GAA: variants seen among roughly 807,000 people sequenced by gnomAD.
GAA encodes alpha glucosidase.
GAA carries 88 observed loss-of-function variants against 103.9 expected under a neutral mutation model. The ratio of observed to expected loss-of-function variants is 0.85; its 90% CI spans 0.71 to 1.01. The LOEUF (loss-of-function observed/expected upper bound fraction) is 1.01, where lower values mean the gene tolerates loss of function less well. Ranked by LOEUF, GAA falls within the 50% of genes least tolerant of loss-of-function variation. The pLI is 0.00. For missense variants in GAA, 1,350 were observed against 1,305.3 expected (o/e 1.03, Z -0.53); for synonymous variants, 572 against 563.1 (o/e 1.02, Z -0.22).
chr17:80,107,480 G>T (rs952374058), intron 3 of GAA, 77 bp from the exon 4 acceptor site: 3 of 1,585,436 alleles, frequency 1.9e-6, no homozygotes, highest in East Asian at 2.2e-5. Context: ...ACCAGGGCCC[G>T]GGGGTGCTCT....
Position 80,113,037 on chromosome 17 carries a change from G to A in GAA, c.2040+10G>A, listed in dbSNP as rs1480376155. 1.2e-6 allele frequency: 2 copies of A among 1,606,048 alleles called. No individual in the cohort carries two copies. The highest frequency in any genetic ancestry group is 1.7e-6 in the Non-Finnish European group (2 of 1,177,384). On this transcript the variant is annotated intron_variant, in intron 14 of 19. Coordinates refer to ENST00000302262, the MANE Select transcript of GAA (RefSeq NM_000152.5). ...CAGCCTGCTCAGTCTGGTAGGGTGGGGGTGGCGGCATGGCAGGTGGGCGAT... is the reference window on the plus strand; with the variant it reads ...CAGCCTGCTCAGTCTGGTAGGGTGGAGGTGGCGGCATGGCAGGTGGGCGAT...
intron 17 of GAA, 109 bp downstream of exon 17, chr17:80,117,858 G>GGCTCGGGGTTGAGAAGGGGTGAGGGGA (rs2143926974): frequency 3.5e-6 from 4 of 1,139,990 alleles, no homozygotes; most frequent in Non-Finnish European, 4.9e-6. Context: ...CTGAGGGGCC[G>GGCTCGGGGTTGAGAAGGGGTGAGGGGA]CCCCCCGCAG....
intron 18 of GAA, 54 bp from the exon 19 acceptor site, chr17:80,118,599 G>T: frequency 6.2e-7 from 1 of 1,603,018 alleles, no homozygotes. Context: ...TGCCCCAGCT[G>T]TCTGCTGACA....
intron 17 of GAA, 27 bp downstream of exon 17, chr17:80,117,776 G>T: frequency 6.3e-7 from 1 of 1,594,000 alleles, no homozygotes. Context: ...GCTATGGTGG[G>T]GGTGTGGACA....
intron 19 of GAA, among the ~76,000 whole-genome samples, 176 bp from the exon 20 acceptor site, chr17:80,119,096 C>T (rs564301145): frequency 6.6e-6 from 1 of 152,270 alleles, no homozygotes; most frequent in South Asian, 2.1e-4. Flanking sequence ...GGTCCCCCTG[C>T]GCCTGCCGGG....
chr17:80,107,460 C>T, intron 3 of GAA, 97 bp from the exon 4 acceptor site: 3 of 1,539,286 alleles, frequency 1.9e-6, no homozygotes, highest in Non-Finnish European at 2.7e-6. Flanking sequence ...CCACTCCGCC[C>T]TCCCAGGGCA....
At chr17:80,108,177 C>T (rs2039139176) in intron 5 of GAA, 113 bp from the exon 6 acceptor site, 10 of 1,572,112 alleles carry the variant, frequency 6.4e-6, no homozygotes, top group African/African-American at 1.3e-5. Flanking sequence ...CCACTCTGAG[C>T]TCCTCGTGGG....
chr17:80,118,058 C>G (rs530285269), intron 17 of GAA, 135 bp from the exon 18 acceptor site: 1 of 1,046,910 alleles, frequency 9.6e-7, no homozygotes, highest in African/African-American at 1.6e-5. Context: ...GTTCCAGCCC[C>G]TGCGGCCGCA....
In GAA at chr17:80,111,146, G is replaced by C. The variant is rs914850659; in HGVS notation, c.1636+121G>C. On this transcript the variant is annotated intron_variant, in intron 11 of 19. Coordinates refer to ENST00000302262, the MANE Select transcript of GAA (RefSeq NM_000152.5). ...ATGGGCCAGCGGGGAAAGGGGCGGG[G>C]GGGGGATCCCCAGGAGAAAGGCTCA... 2.0e-5 allele frequency: 19 copies of C among 941,484 alleles called. 1 individual carries two copies. The highest frequency in any genetic ancestry group is 7.2e-5 in the South Asian group (5 of 69,190). 58.3% of individuals were successfully genotyped at this position (941,484 alleles called of 1,614,324 possible).
chr17:80,106,003 T>A (rs2039078267), intron 3 of GAA, 109 bp downstream of exon 3: 8 of 1,423,304 alleles, frequency 5.6e-6, no homozygotes, highest in Non-Finnish European at 7.5e-6. Context: ...GGGCGACACA[T>A]GTTTGTTTCT....
chr17:80,119,389 C>A lies in GAA; in HGVS notation c.*58C>A. ...GGCTGGTTCCCCAGGGAAGCAGAGC[C>A]TGTGTGCGGGCAGCAGCTGTGTGCG... is the stretch of plus-strand genomic sequence containing the variant. On this transcript the variant is annotated 3_prime_UTR_variant, in exon 20 of 20. Coordinates refer to ENST00000302262, the MANE Select transcript of GAA (RefSeq NM_000152.5). 1 of 1,453,966 alleles carries A rather than the reference C, an allele frequency of 6.9e-7. No homozygotes were observed. The highest frequency in any genetic ancestry group is 9.7e-7 in the Non-Finnish European group (1 of 1,034,768). 90.1% of individuals were successfully genotyped at this position (1,453,966 alleles called of 1,614,324 possible).
chr17:80,109,766 G>C (rs2278620), intron 8 of GAA, among the ~76,000 whole-genome samples, 179 bp from the exon 9 acceptor site: 1 of 152,106 alleles, frequency 6.6e-6, no homozygotes, highest in African/African-American at 2.4e-5. Flanking sequence ...GTCCTGACTC[G>C]CCCGGCCCTG....
Position 80,112,032 on chromosome 17 carries a change from C to T in GAA, c.1686C>T (p.His562=), listed in dbSNP as rs1295865590. ...CGGCCACCATCTGTGCCTCCAGCCA[C>T]CAGTTTCTCTCCACACACTACAACC... is the stretch of plus-strand genomic sequence containing the variant. ...LQAATICASS[H]QFLSTHYNLH... The change falls in exon 12 of 20, where the codon CAC becomes CAT. Residue 562 remains histidine (H), a synonymous_variant. Coordinates refer to ENST00000302262, the MANE Select transcript of GAA (RefSeq NM_000152.5). 1.2e-6 allele frequency: 2 copies of T among 1,614,056 alleles called. No homozygotes were observed. The highest frequency in any genetic ancestry group is 1.3e-5 in the African/African-American group (1 of 75,048).
chr17:80,103,147 CCT>C (rs2038993451), intron 1 of GAA, among the ~76,000 whole-genome samples: 1 of 152,196 alleles, frequency 6.6e-6, no homozygotes, highest in South Asian at 2.1e-4. Flanking sequence ...TCCCTCGGGC[CCT>C]GAGTTCACTT....
At chr17:80,119,131 A>C in intron 19 of GAA, 141 bp from the exon 20 acceptor site, 1 of 927,704 alleles carries the variant, frequency 1.1e-6, no homozygotes, top group Admixed American at 1.7e-5. Context: ...GAAGCATCCC[A>C]GGGCCAGACG....
At position 80,104,139 on chromosome 17, in the gene GAA, C is replaced by T. The variant is rs1369445873; in HGVS notation, c.-32-416C>T. On this transcript the variant is annotated intron_variant, in intron 1 of 19. Coordinates refer to ENST00000302262, the MANE Select transcript of GAA (RefSeq NM_000152.5). This position sits in a 1 kb window ranked among gnomAD's most constrained non-coding sequence, Gnocchi z 4.0. ...ATTAGCTGGGTGCGGTGGTGTGTGCCTACAGTCCCAGCTACTCAGGAGGCT... is the reference window on the plus strand; with the variant it reads ...ATTAGCTGGGTGCGGTGGTGTGTGCTTACAGTCCCAGCTACTCAGGAGGCT... Among the ~76,000 whole-genome samples the T allele has an allele frequency of 6.6e-6, 1 of 152,116 alleles. No individual in the cohort carries two copies. Among genetic ancestry groups the T allele is most frequent in the Admixed American group, 6.5e-5 (1 of 15,282 alleles).
rs373955374 is a variant in GAA, at chr17:80,112,665, G to A, written c.1842G>A (p.Thr614=). The change falls in exon 13 of 20, where the codon ACG becomes ACA. Residue 614 remains threonine (T), a synonymous_variant. Coordinates refer to ENST00000302262, the MANE Select transcript of GAA (RefSeq NM_000152.5). ...ACGGCCGATACGCCGGCCACTGGAC[G>A]GGGGACGTGTGGAGCTCCTGGGAGC... is the stretch of plus-strand genomic sequence containing the variant. ...AGHGRYAGHW[T]GDVWSSWEQL... is the part of the protein sequence containing the mutation. 1.5e-5 allele frequency: 24 copies of A among 1,612,148 alleles called. No individual in the cohort carries two copies. Among genetic ancestry groups the A allele is most frequent in the African/African-American group, 5.3e-5 (4 of 74,918 alleles).
At chr17:80,112,162 C>T in intron 12 of GAA, 62 bp downstream of exon 12, 1 of 1,495,998 alleles carries the variant, frequency 6.7e-7, no homozygotes, top group Non-Finnish European at 9.3e-7. Context: ...AAGGTTGGGG[C>T]CTCTGCAGGG....
chr17:80,106,193 T>G (rs2039083158), intron 3 of GAA, among the ~76,000 whole-genome samples: 1 of 152,200 alleles, frequency 6.6e-6, no homozygotes, highest in African/African-American at 2.4e-5. Context: ...TAAGAGAAGT[T>G]GCCTTCGGAA....
Sources: allele counts gnomAD v4.1 joint callset (sites outside exome capture counted in the v4.1 genomes callset), GRCh38; gene constraint gnomAD v4.1.1; non-coding constraint Gnocchi (gnomAD v3.1); transcripts MANE v1.5; gene names NCBI Gene and HGNC (gene_info 2026-07-23, HGNC 2026-07-21).